Variants in CHSY1 observed in about 807,000 individuals in gnomAD.
The protein encoded by CHSY1 is chondroitin sulfate synthase 1, also known as N-acetylgalactosaminyl-proteoglycan 3-beta-glucuronosyltransferase 1.
CHSY1 carries 13 observed loss-of-function variants against 59.8 expected under a neutral mutation model. That is an observed-to-expected ratio of 0.22 (90% CI 0.14 to 0.35). The LOEUF is 0.35. Ranked by LOEUF, CHSY1 falls within the 10% of genes least tolerant of loss-of-function variation. The probability of loss-of-function intolerance (pLI) is 1.00; values close to 1 mark genes in which losing one functional copy is unlikely to be tolerated. For missense variants in CHSY1, 947 were observed against 1,030.6 expected (o/e 0.92, Z 1.11); for synonymous variants, 459 against 401.2 (o/e 1.14, Z -1.72).
chr15:101,248,042 T>G (rs2039068326), intron 1 of CHSY1, among the ~76,000 whole-genome samples: 3 of 151,694 alleles, frequency 2.0e-5, no homozygotes, highest in African/African-American at 7.3e-5. Flanking sequence ...ACAGTTGTTT[T>G]TTTGTTTTTT....
chr15:101,239,919 C>T, intron 1 of CHSY1, among the ~76,000 whole-genome samples: 1 of 152,174 alleles, frequency 6.6e-6, no homozygotes, highest in East Asian at 1.9e-4. Context: ...GTGAAAGAGG[C>T]CCCAGCAGTA....
chr15:101,201,581 G>A (rs1283638855), intron 2 of CHSY1, among the ~76,000 whole-genome samples: 1 of 152,162 alleles, frequency 6.6e-6, no homozygotes, highest in African/African-American at 2.4e-5. Context: ...GGGGTGGGAG[G>A]AGAGGAGGCA....
intron 2 of CHSY1, among the ~76,000 whole-genome samples, chr15:101,198,510 G>A (rs1330000788): frequency 6.6e-6 from 1 of 152,112 alleles, no homozygotes; most frequent in Non-Finnish European, 1.5e-5. Context: ...CAGAGTCACC[G>A]CTCACAAAAA....
intron 1 of CHSY1, among the ~76,000 whole-genome samples, chr15:101,236,730 C>A (rs532735430): frequency 2.0e-5 from 3 of 151,984 alleles, no homozygotes. Context: ...GAGGCTAAGG[C>A]GGGAGAATGG....
intron 1 of CHSY1, among the ~76,000 whole-genome samples, chr15:101,236,012 C>T (rs572535848): frequency 1.3e-5 from 2 of 152,208 alleles, no homozygotes; most frequent in Non-Finnish European, 2.9e-5. Context: ...TGGTGGTGAA[C>T]AAAAACGTGA....
intron 2 of CHSY1, among the ~76,000 whole-genome samples, chr15:101,180,174 A>G (rs1296425326): frequency 1.3e-5 from 2 of 152,220 alleles, no homozygotes; most frequent in Non-Finnish European, 2.9e-5. Flanking sequence ...GGGCACTTTT[A>G]TACCTTACTT....
At chr15:101,209,310 C>G (rs1177796899) in intron 2 of CHSY1, among the ~76,000 whole-genome samples, 2 of 152,150 alleles carry the variant, frequency 1.3e-5, no homozygotes, top group Admixed American at 1.3e-4. Flanking sequence ...TCTGTAAGCT[C>G]CAGAAGTGTC....
At chr15:101,181,027 C>G (rs1456180198) in intron 2 of CHSY1, among the ~76,000 whole-genome samples, 1 of 152,202 alleles carries the variant, frequency 6.6e-6, no homozygotes, top group Admixed American at 6.5e-5. Flanking sequence ...ATTTTACAAT[C>G]CTGTTGGGGC....
At chr15:101,223,466 G>A (rs1453262152) in intron 2 of CHSY1, among the ~76,000 whole-genome samples, 1 of 152,236 alleles carries the variant, frequency 6.6e-6, no homozygotes, top group Non-Finnish European at 1.5e-5. Flanking sequence ...TTAGCTTTAA[G>A]ATGTTTGTCA....
chr15:101,242,337 C>T (rs1022284667), intron 1 of CHSY1, among the ~76,000 whole-genome samples: 3 of 152,236 alleles, frequency 2.0e-5, no homozygotes, highest in Admixed American at 2.0e-4. Context: ...GGAGCCACCA[C>T]TTCAACTGCA....
intron 2 of CHSY1, among the ~76,000 whole-genome samples, chr15:101,232,279 G>C (rs1260479227): frequency 1.3e-5 from 2 of 152,128 alleles, no homozygotes; most frequent in Non-Finnish European, 2.9e-5. Flanking sequence ...CCCATAATGT[G>C]AACCTTAATG....
At chr15:101,187,955 C>T (rs547764761) in intron 2 of CHSY1, 2 of 897,784 alleles carry the variant, frequency 2.2e-6, no homozygotes, top group African/African-American at 3.6e-5. Context: ...TGGGAATAAC[C>T]ATCAACTACC....
At chr15:101,241,215 C>T (rs1250869587) in intron 1 of CHSY1, among the ~76,000 whole-genome samples, 4 of 152,166 alleles carry the variant, frequency 2.6e-5, no homozygotes, top group Admixed American at 1.3e-4. Flanking sequence ...CTCAGCCTCC[C>T]GAGTAGCTGG....
intron 2 of CHSY1, among the ~76,000 whole-genome samples, chr15:101,216,640 G>T (rs2038736267): frequency 6.6e-6 from 1 of 152,178 alleles, no homozygotes; most frequent in South Asian, 2.1e-4. Context: ...AGCTATGTAT[G>T]GTATGATTCC....
At chr15:101,194,263 AG>A (rs1164084928) in intron 2 of CHSY1, among the ~76,000 whole-genome samples, 4 of 152,266 alleles carry the variant, frequency 2.6e-5, no homozygotes, top group African/African-American at 9.6e-5. Flanking sequence ...CTGAAAGAAA[AG>A]AAAAATTTCA....
At chr15:101,205,887 G>C (rs1003717581) in intron 2 of CHSY1, among the ~76,000 whole-genome samples, 2 of 152,058 alleles carry the variant, frequency 1.3e-5, no homozygotes, top group Non-Finnish European at 2.9e-5. Context: ...AGGAGGCGGA[G>C]CTTGCAGTGA....
chr15:101,234,723 CT>C (rs1370023203), intron 2 of CHSY1, among the ~76,000 whole-genome samples: 1 of 152,144 alleles, frequency 6.6e-6, no homozygotes, highest in Non-Finnish European at 1.5e-5. Context: ...AGAAATTAGC[CT>C]AGCGTGGTGG....
intron 1 of CHSY1, among the ~76,000 whole-genome samples, chr15:101,239,941 G>A (rs1018945393): frequency 6.6e-6 from 1 of 152,212 alleles, no homozygotes; most frequent in Non-Finnish European, 1.5e-5. Flanking sequence ...AACCAGCACA[G>A]ACGCAATTAA....
intron 1 of CHSY1, among the ~76,000 whole-genome samples, chr15:101,237,222 T>TAAAAAAAAAA (rs56731913): frequency 1.7e-5 from 1 of 57,358 alleles, no homozygotes; most frequent in African/African-American, 5.8e-5. Flanking sequence ...AGACTCCATC[T>TAAAAAAAAAA]AAAAAAAAAA....
Sources: allele counts gnomAD v4.1 joint callset (sites outside exome capture counted in the v4.1 genomes callset), GRCh38; gene constraint gnomAD v4.1.1; transcripts MANE v1.5; gene names NCBI Gene and HGNC (gene_info 2026-07-23, HGNC 2026-07-21).